MSANTD3: variants seen among roughly 807,000 people sequenced by gnomAD.
The protein encoded by MSANTD3 is myb/SANT-like DNA-binding domain-containing protein 3.
Under a neutral mutation model 27.7 loss-of-function variants are expected in MSANTD3, and 11 were observed. The observed-to-expected ratio is 0.40, with a 90% CI of 0.25 to 0.66. The LOEUF (loss-of-function observed/expected upper bound fraction) is 0.66. Among genes scored for constraint, MSANTD3 ranks in the 30% least tolerant of loss-of-function variants. The pLI, the probability that MSANTD3 is intolerant of heterozygous loss-of-function variation, is 0.41. For synonymous variants in MSANTD3, 131 were observed against 127.2 expected (o/e 1.03, Z -0.20); for missense variants, 250 against 336.5 (o/e 0.74, Z 2.01).
At chr9:100,449,983 G>GA (rs1836846281) in intron 2 of MSANTD3, among the ~76,000 whole-genome samples, 1 of 152,254 alleles carries the variant, frequency 6.6e-6, no homozygotes, top group East Asian at 1.9e-4. Flanking sequence ...AGAGTAAAGA[G>GA]AAAACGTATG....
At position 100,442,243 on chromosome 9, in the gene MSANTD3, G is replaced by C; in HGVS notation, c.305G>C (p.Ser102Thr). 1 of 1,614,160 alleles carries C rather than the reference G, an allele frequency of 6.2e-7. No homozygotes were observed. Among genetic ancestry groups the C allele is most frequent in the Non-Finnish European group, 8.5e-7 (1 of 1,180,032 alleles). ...AAACGGAGCGTCAGCCCTCTCCTGA[G>C]TACCCACGTCCTAGGGAAGGAGAAG... ...KVKRSVSPLL[S>T]THVLGKEKIA... Residue 102 changes from serine to threonine, a missense_variant, in exon 2 of 3, where the codon AGT (serine) becomes ACT (threonine). Ser to Thr is a moderately conservative substitution (Grantham distance 58, BLOSUM62 1). This residue lies in a region of MSANTD3 where 235 missense variants were observed against 299.3 expected (regional missense o/e 0.79). Transcript: ENST00000395067.
At chr9:100,447,420 G>A (rs1836781809) in intron 2 of MSANTD3, among the ~76,000 whole-genome samples, 1 of 152,114 alleles carries the variant, frequency 6.6e-6, no homozygotes, top group South Asian at 2.1e-4. Context: ...ACTAAAAAGA[G>A]TAGTTTTAAA....
At position 100,450,867 on chromosome 9, in the gene MSANTD3, T is replaced by G. The variant is rs1305927849; in HGVS notation, c.729T>G (p.Val243=). The G allele has an allele frequency of 6.2e-7, 1 of 1,614,024 alleles. No individual in the cohort carries two copies. Among genetic ancestry groups the G allele is most frequent in the South Asian group, 1.1e-5 (1 of 91,044 alleles). ...AEEEHRIKME[V]LNKKKMYWER... ...AGGAACACAGGATAAAAATGGAAGT[T>G]CTCAATAAAAAGAAGATGTATTGGG... The change falls in exon 3 of 3, where the codon GTT becomes GTG. Residue 243 remains valine (V), a synonymous_variant. Coordinates refer to ENST00000395067, the MANE Select transcript of MSANTD3 (RefSeq NM_080655.3).
At chr9:100,436,986 G>A (rs1836491364) in intron 1 of MSANTD3, among the ~76,000 whole-genome samples, 1 of 152,064 alleles carries the variant, frequency 6.6e-6, no homozygotes, top group Non-Finnish European at 1.5e-5. Context: ...TTTATTTTTA[G>A]TAGAGATGGG....
rs573422519 is a variant in MSANTD3, at chr9:100,433,608, C to T, written c.-34+6215C>T. On this transcript the variant is annotated intron_variant, in intron 1 of 2. Coordinates refer to ENST00000395067, the MANE Select transcript of MSANTD3 (RefSeq NM_080655.3). ...CCTAGGCTGGTCTTGAACCCCTGGG[C>T]TCAAGCAATCCTCCTGCCTTAGGCC... Among the ~76,000 whole-genome samples, 19 of 152,268 alleles carry T rather than the reference C, an allele frequency of 1.2e-4. No homozygotes were observed. In the East Asian group the frequency reaches 2.9e-3, roughly 23 times the overall value.
chr9:100,448,364 GTCTTCAAAGAAGACA>G (rs1425327154), intron 2 of MSANTD3: 1 of 985,214 alleles, frequency 1.0e-6, no homozygotes, highest in Admixed American at 6.1e-5. Context: ...AATGTGTCCA[GTCTTCAAAGAAGACA>G]TTTTCAGATC....
intron 2 of MSANTD3, among the ~76,000 whole-genome samples, chr9:100,446,713 G>C (rs1224530282): frequency 6.6e-6 from 1 of 151,986 alleles, no homozygotes; most frequent in South Asian, 2.1e-4. Context: ...TGTAATCCCA[G>C]CTACTTGGGA....
intron 1 of MSANTD3, 93 bp downstream of exon 1, chr9:100,427,486 G>A (rs1836272381): frequency 6.6e-6 from 1 of 150,720 alleles, no homozygotes; most frequent in Non-Finnish European, 1.5e-5. Flanking sequence ...GGCCGGCATG[G>A]AGGGTTTTCG....
At chr9:100,429,622 C>T (rs903047890) in intron 1 of MSANTD3, 5 of 152,194 alleles carry the variant, frequency 3.3e-5, no homozygotes, top group Non-Finnish European at 7.3e-5. Context: ...GTAACTCATT[C>T]TGAGCCAGTG....
intron 2 of MSANTD3, chr9:100,448,651 A>G (rs2118131018): frequency 2.0e-6 from 2 of 985,374 alleles, no homozygotes; most frequent in Non-Finnish European, 2.4e-6. Context: ...AGCAGAAGCA[A>G]TCTCTGTCTT....
intron 2 of MSANTD3, among the ~76,000 whole-genome samples, chr9:100,442,926 A>T (rs1836664093): frequency 6.6e-6 from 1 of 152,002 alleles, no homozygotes; most frequent in Admixed American, 6.6e-5. Flanking sequence ...AAGGGACTGG[A>T]TTAATGGAGT....
At chr9:100,431,121 G>A (rs111818409) in intron 1 of MSANTD3, among the ~76,000 whole-genome samples, 19 of 151,778 alleles carry the variant, frequency 1.3e-4, no homozygotes, top group African/African-American at 4.4e-4. Flanking sequence ...TCCTGCCTCA[G>A]CCTCCTGAAT....
Position 100,451,321 on chromosome 9 carries a change from T to C in MSANTD3, c.*355T>C, listed in dbSNP as rs1836884213. 3 of 181,872 alleles carry C rather than the reference T, an allele frequency of 1.6e-5. No homozygotes were observed. Among genetic ancestry groups the C allele is most frequent in the Middle Eastern group, 2.1e-3 (1 of 470 alleles). 11.3% of individuals were successfully genotyped at this position (181,872 alleles called of 1,614,324 possible). On this transcript the variant is annotated 3_prime_UTR_variant, in exon 3 of 3. Coordinates refer to ENST00000395067, the MANE Select transcript of MSANTD3 (RefSeq NM_080655.3). ...GTGTGGCTGATTTTTTTTTTTTTCT[T>C]TTTTCTTTTTAAACAGACAGCAGAA...
intron 2 of MSANTD3, among the ~76,000 whole-genome samples, chr9:100,450,123 C>T (rs1026550145): frequency 1.3e-5 from 2 of 152,160 alleles, no homozygotes; most frequent in Admixed American, 6.5e-5. Context: ...ATTACATATA[C>T]GTGTTCATAG....
chr9:100,449,154 T>C, intron 2 of MSANTD3: 2 of 985,350 alleles, frequency 2.0e-6, no homozygotes, highest in Non-Finnish European at 2.4e-6. Flanking sequence ...AGCCTTAGAG[T>C]CACAGCTACA....
At chr9:100,435,715 G>T (rs1435565845) in intron 1 of MSANTD3, among the ~76,000 whole-genome samples, 2 of 152,118 alleles carry the variant, frequency 1.3e-5, no homozygotes, top group Non-Finnish European at 2.9e-5. Flanking sequence ...AGCCATTGAG[G>T]GTAGCAGGGC....
At chr9:100,450,070 C>G (rs1046198378) in intron 2 of MSANTD3, among the ~76,000 whole-genome samples, 8 of 152,268 alleles carry the variant, frequency 5.3e-5, no homozygotes, top group African/African-American at 1.9e-4. Context: ...AGGGTAAGGG[C>G]TAACACCTGT....
rs1221005242 is a variant in MSANTD3, at chr9:100,442,068, C to G, written c.130C>G (p.Leu44Val). Residue 44 changes from leucine (L) to valine (V), a missense_variant, in exon 2 of 3, where the codon CTT (leucine) becomes GTT (valine). Leu to Val is a conservative substitution (Grantham distance 32). Transcript: ENST00000395067. ...CKKSDARTIALKQRTWQALAH... is the reference protein window; with the variant it reads ...CKKSDARTIAVKQRTWQALAH... The stretch of plus-strand genomic sequence containing the variant: ...GAAAAGTGATGCGCGAACTATTGCC[C>G]TTAAGCAGCGTACCTGGCAGGCGCT... 6.2e-6 allele frequency: 10 copies of G among 1,614,082 alleles called. No individual in the cohort carries two copies. Among genetic ancestry groups the G allele is most frequent in the African/African-American group, 1.3e-5 (1 of 74,930 alleles).
rs368706702 is a variant in MSANTD3, at chr9:100,450,644, A to T, written c.506A>T (p.Glu169Val). 2.6e-5 allele frequency: 42 copies of T among 1,614,100 alleles called. No individual in the cohort carries two copies. The highest frequency in any genetic ancestry group is 3.6e-5 in the Non-Finnish European group (42 of 1,180,004). Reference protein sequence around the residue: ...FPVCEGTSQPEPSCSAVRITA... With the variant: ...FPVCEGTSQPVPSCSAVRITA... ...GTATGTGAGGGGACCTCTCAACCTG[A>T]ACCCTCGTGTTCAGCTGTCAGAATA... Residue 169 changes from glutamate to valine, a missense_variant, in exon 3 of 3, where the codon GAA (glutamate) becomes GTA (valine). Glu to Val is a moderately radical substitution (Grantham distance 121). Coordinates refer to ENST00000395067, the MANE Select transcript of MSANTD3 (RefSeq NM_080655.3).
Sources: allele counts gnomAD v4.1 joint callset (sites outside exome capture counted in the v4.1 genomes callset), GRCh38; gene constraint gnomAD v4.1.1; regional missense constraint gnomAD v4.1.1; transcripts MANE v1.5; gene names NCBI Gene and HGNC (gene_info 2026-07-23, HGNC 2026-07-21).